ALS2CL: variants seen among roughly 807,000 people sequenced by gnomAD.
ALS2CL encodes ALS2 C-terminal like.
In ALS2CL, 112 loss-of-function variants were observed where a neutral mutation model predicts 127.9. The ratio of observed to expected loss-of-function variants is 0.88; its 90% CI spans 0.75 to 1.02. ALS2CL has a LOEUF of 1.02. Ranked by LOEUF, ALS2CL falls within the 50% of genes least tolerant of loss-of-function variation. The probability of loss-of-function intolerance (pLI) is 0.00; values close to 1 mark genes in which losing one functional copy is unlikely to be tolerated. For missense variants in ALS2CL, 1,174 were observed against 1,236.7 expected (o/e 0.95, Z 0.76); for synonymous variants, 519 against 527.6 (o/e 0.98, Z 0.22).
At chr3:46,676,564 G>T in intron 18 of ALS2CL, 78 bp downstream of exon 18, 1 of 1,559,946 alleles carries the variant, frequency 6.4e-7, no homozygotes, top group South Asian at 1.2e-5. Flanking sequence ...TCAGCACCCT[G>T]CTATGAAAAA....
chr3:46,680,336 C>T, intron 14 of ALS2CL, 94 bp downstream of exon 14: 1 of 1,337,004 alleles, frequency 7.5e-7, no homozygotes, highest in Non-Finnish European at 1.0e-6. Flanking sequence ...AGCCCCCTTT[C>T]CCATCCCTCC....
intron 21 of ALS2CL, 57 bp downstream of exon 21, chr3:46,674,509 C>T: frequency 6.4e-7 from 1 of 1,567,990 alleles, no homozygotes; most frequent in African/African-American, 1.3e-5. Context: ...TGGCTGAAGA[C>T]AGTCTGAGTC....
In ALS2CL at chr3:46,686,327, G is replaced by T. The variant is rs1699771979; in HGVS notation, c.647C>A (p.Thr216Asn). The T allele has an allele frequency of 6.2e-7, 1 of 1,612,414 alleles. No homozygotes were observed. The highest frequency in any genetic ancestry group is 1.3e-5 in the African/African-American group (1 of 74,876). Reference protein sequence around the residue: ...QAVATQALWHTLRGRLRDVLC... With the variant: ...QAVATQALWHNLRGRLRDVLC... ...ACTCACCCTCAGCCGGCCTCTCAGG[G>T]TGTGCCAGAGAGCCTGTGTGGCCAC... The change falls in exon 6 of 26, where the codon ACC (threonine) becomes AAC (asparagine). Residue 216 changes from threonine to asparagine, a missense_variant. Coordinates refer to ENST00000318962, the MANE Select transcript of ALS2CL (RefSeq NM_147129.5). This position sits in a 1 kb window ranked among gnomAD's most constrained non-coding sequence, Gnocchi z 4.3.
In ALS2CL at chr3:46,690,672, G is replaced by A. The variant is rs1010359029; in HGVS notation, c.-25-1207C>T. On this transcript the variant is annotated intron_variant, in intron 1 of 25. Coordinates refer to ENST00000318962, the MANE Select transcript of ALS2CL (RefSeq NM_147129.5). ...TAGAGGGTCTTTTAGCCCAAGACCCGCAGACTGTCTCTCTCCTTGTCTCTG... is the reference window on the plus strand; with the variant it reads ...TAGAGGGTCTTTTAGCCCAAGACCCACAGACTGTCTCTCTCCTTGTCTCTG... 5.9e-5 allele frequency among the ~76,000 whole-genome samples: 9 copies of A among 152,326 alleles called. No homozygotes were observed. In the South Asian group the frequency reaches 6.2e-4, roughly 11 times the overall value.
chr3:46,686,517 G>C lies in ALS2CL; in HGVS notation c.535-78C>G, dbSNP rs372670986. ...AGCCCAGTCCTGGTCCCGGCTGGTG[G>C]GGAGGCCTGAATCTAGGCCAGACCT... On this transcript the variant is annotated intron_variant, in intron 5 of 25. Transcript: ENST00000318962. The surrounding 1 kb of genome is among the most constrained non-coding windows in gnomAD (Gnocchi z 4.3). 1.8e-4 allele frequency: 276 copies of C among 1,537,248 alleles called. 5 individuals are homozygous for C. In the East Asian group the frequency reaches 2.6e-3, roughly 14 times the overall value.
rs557786755 is a variant in ALS2CL, at chr3:46,691,283, G to C, written c.-25-1818C>G. On this transcript the variant is annotated intron_variant, in intron 1 of 25. Coordinates refer to ENST00000318962, the MANE Select transcript of ALS2CL (RefSeq NM_147129.5). ...GGCAGTCAGCTGGGGTCTAAGCTAA[G>C]AGGTGAGGATATCCAAGCCTGGTTG... Among the ~76,000 whole-genome samples, 30 of 152,340 alleles carry C rather than the reference G, an allele frequency of 2.0e-4. No homozygotes were observed. The South Asian group carries it at 6.0e-3, about 31-fold the overall frequency.
At position 46,681,720 on chromosome 3, in the gene ALS2CL, A is replaced by C; in HGVS notation, c.1176-122T>G. ...CCTTCCAGACAACAGGGAGACTCTC[A>C]GAGGCCCTCAGCCTTCCTATCCTTC... On this transcript the variant is annotated intron_variant, in intron 11 of 25. Transcript: ENST00000318962. This position sits in a 1 kb window ranked among gnomAD's most constrained non-coding sequence, Gnocchi z 4.9. 1.0e-6 allele frequency: 1 copy of C among 988,178 alleles called. No homozygotes were observed. Among genetic ancestry groups the C allele is most frequent in the East Asian group, 2.5e-5 (1 of 40,116 alleles). 61.2% of individuals were successfully genotyped at this position (988,178 alleles called of 1,614,324 possible). A position where few individuals can be genotyped will look rare whatever the true frequency, so the allele number is the denominator to read the frequency against.
chr3:46,681,049 G>A lies in ALS2CL; in HGVS notation c.1436+197C>T, dbSNP rs779062305. On this transcript the variant is annotated intron_variant, in intron 13 of 25. Coordinates refer to ENST00000318962, the MANE Select transcript of ALS2CL (RefSeq NM_147129.5). The surrounding 1 kb of genome is among the most constrained non-coding windows in gnomAD (Gnocchi z 4.9). ...AACACCATGAGGAGGGGTGAGGGGC[G>A]GGGGCGACCCTGCAGTCAGCGTGAC... The A allele has an allele frequency of 9.6e-6, 8 of 835,468 alleles. No individual in the cohort carries two copies. The highest frequency in any genetic ancestry group is 4.6e-5 in the South Asian group (3 of 65,840). The allele number at this position is 835,468 out of a possible 1,614,324, so 51.8% of individuals were successfully genotyped here. A position where few individuals can be genotyped will look rare whatever the true frequency, so the allele number is the denominator to read the frequency against.
intron 1 of ALS2CL, among the ~76,000 whole-genome samples, chr3:46,692,314 G>C (rs1345058723): frequency 6.6e-6 from 1 of 152,106 alleles, no homozygotes; most frequent in African/African-American, 2.4e-5. Flanking sequence ...AGGAGGTGCT[G>C]AACCTTAATA....
At chr3:46,689,950 G>A (rs1700059290) in intron 1 of ALS2CL, among the ~76,000 whole-genome samples, 2 of 152,232 alleles carry the variant, frequency 1.3e-5, no homozygotes, top group African/African-American at 4.8e-5. Context: ...ACCCAACCAG[G>A]CTGTGTAAGC....
chr3:46,673,255 C>A, intron 22 of ALS2CL, 84 bp downstream of exon 22: 1 of 1,352,738 alleles, frequency 7.4e-7, no homozygotes, highest in Non-Finnish European at 1.0e-6. Context: ...GCAGCCTCCG[C>A]CCAGCAATCA....
Position 46,683,287 on chromosome 3 carries a change from C to T in ALS2CL, c.952G>A (p.Ala318Thr), listed in dbSNP as rs948500132. The T allele has an allele frequency of 6.2e-7, 1 of 1,602,296 alleles. No individual in the cohort carries two copies. Among genetic ancestry groups the T allele is most frequent in the South Asian group, 1.1e-5 (1 of 89,450 alleles). ...QWKVTWAVHQ[A>T]LHGKKDFPVL... ...GGGAAGTCCTTCTTCCCATGCAGGG[C>T]CTGGTGAACAGCCCAGGTCACCTTC... Residue 318 changes from alanine to threonine, a missense_variant, in exon 10 of 26, where the codon GCC becomes ACC. Physicochemically the swap from Ala to Thr is moderately conservative, Grantham distance 58. Coordinates refer to ENST00000318962, the MANE Select transcript of ALS2CL (RefSeq NM_147129.5).
Position 46,683,260 on chromosome 3 carries a change from C to T in ALS2CL, c.979G>A (p.Val327Met), listed in dbSNP as rs368302960. The T allele has an allele frequency of 3.6e-4, 575 of 1,609,748 alleles. 1 individual carries two copies. Among genetic ancestry groups the T allele is most frequent in the Admixed American group, 1.2e-3 (69 of 59,546 alleles). Residue 327 changes from valine to methionine, a missense_variant, in exon 10 of 26, where the codon GTG (valine) becomes ATG (methionine). Transcript: ENST00000318962. ...GAGGGCTCCAGGCCAGCCCCCAGCACGGGGAAGTCCTTCTTCCCATGCAGG... is the reference window on the plus strand; with the variant it reads ...GAGGGCTCCAGGCCAGCCCCCAGCATGGGGAAGTCCTTCTTCCCATGCAGG... ...QALHGKKDFP[V>M]LGAGLEPSQP...
chr3:46,671,135 C>T, intron 25 of ALS2CL, 71 bp from the exon 26 acceptor site: 1 of 1,489,854 alleles, frequency 6.7e-7, no homozygotes, highest in South Asian at 1.1e-5. Flanking sequence ...GGATCTAGGG[C>T]TCAATAGCTG....
At chr3:46,683,939 TG>T (rs1170225153) in intron 8 of ALS2CL, 49 bp downstream of exon 8, 2 of 1,612,970 alleles carry the variant, frequency 1.2e-6, no homozygotes, top group South Asian at 2.2e-5. Context: ...GCAGGTGTCA[TG>T]GGGGTAAAGG....
In ALS2CL at chr3:46,682,065, T is replaced by C. The variant is rs1699396441; in HGVS notation, c.1139A>G (p.Asn380Ser). 1 of 1,614,010 alleles carries C rather than the reference T, an allele frequency of 6.2e-7. No homozygotes were observed. Residue 380 changes from asparagine (N) to serine (S), a missense_variant, in exon 11 of 26, where the codon AAT becomes AGT. Transcript: ENST00000318962. ...KGTLKWPDGR[N>S]HVGNFCQGLE... ...GCCCTGGCAGAAATTCCCCACGTGA[T>C]TCCGCCCATCCGGCCATTTCAGGGT...
chr3:46,672,139 C>T lies in ALS2CL; in HGVS notation c.2534+1G>A, dbSNP rs766963598. ...CCCAACCCACTACGGCTCACACTCA[C>T]ATGATCTTCTGCAGGCACTCGGTGG... On this transcript the variant is annotated splice_donor_variant, in intron 23 of 25. Transcript: ENST00000318962. LOFTEE classifies it high-confidence loss of function. 2 of 1,614,216 alleles carry T rather than the reference C, an allele frequency of 1.2e-6. No individual in the cohort carries two copies. Among genetic ancestry groups the T allele is most frequent in the South Asian group, 1.1e-5 (1 of 91,084 alleles).
intron 21 of ALS2CL, 22 bp downstream of exon 21, chr3:46,674,544 C>G (rs966424059): frequency 8.7e-6 from 14 of 1,601,114 alleles, no homozygotes; most frequent in Non-Finnish European, 1.1e-5. Context: ...GCTAACACGG[C>G]ACGGGGGAAG....
intron 1 of ALS2CL, 118 bp from the exon 2 acceptor site, chr3:46,689,583 T>C (rs1700032744): frequency 1.6e-6 from 1 of 644,416 alleles, no homozygotes; most frequent in Non-Finnish European, 2.6e-6. Flanking sequence ...AACTGAGCAG[T>C]GAGCCCAGAT....
Sources: allele counts gnomAD v4.1 joint callset (sites outside exome capture counted in the v4.1 genomes callset), GRCh38; gene constraint gnomAD v4.1.1; non-coding constraint Gnocchi (gnomAD v3.1); transcripts MANE v1.5; gene names NCBI Gene and HGNC (gene_info 2026-07-23, HGNC 2026-07-21).